The following PLEKHA7 variants were observed in gnomAD, a reference collection of about 807,000 sequenced individuals.
The protein encoded by PLEKHA7 is pleckstrin homology domain containing A7.
In PLEKHA7, 104 loss-of-function variants were observed where a neutral mutation model predicts 170.0. That is an observed-to-expected ratio of 0.61 (90% CI 0.52 to 0.72). PLEKHA7 has a LOEUF of 0.72. PLEKHA7 is among the 30% of genes least tolerant of loss of function. The pLI, the probability that PLEKHA7 is intolerant of heterozygous loss-of-function variation, is 0.00. For missense variants in PLEKHA7, 1,615 were observed against 1,671.7 expected (o/e 0.97, Z 0.59); for synonymous variants, 648 against 660.8 (o/e 0.98, Z 0.30).
At chr11:16,786,560 ACTG>A in intron 23 of PLEKHA7, 173 bp from the exon 24 acceptor site, 2 of 985,436 alleles carry the variant, frequency 2.0e-6, no homozygotes, top group Non-Finnish European at 2.4e-6. Flanking sequence ...GCTGTTCCAG[ACTG>A]CTAAGTGCTC....
In PLEKHA7 at chr11:16,791,946, G is replaced by A. The variant is rs955255296; in HGVS notation, c.2746-747C>T. On this transcript the variant is annotated intron_variant, in intron 19 of 26. Transcript: ENST00000531066. The surrounding 1 kb of genome is among the most constrained non-coding windows in gnomAD (Gnocchi z 4.5). ...ATGAACACCCACTCGCAGGACTAAC[G>A]ACCATCATGCCTTCCACCTCCTAAA... Among the ~76,000 whole-genome samples, 5 of 152,206 alleles carry A rather than the reference G, an allele frequency of 3.3e-5. No individual in the cohort carries two copies. The highest frequency in any genetic ancestry group is 1.9e-4 in the East Asian group (1 of 5,180).
chr11:16,903,721 C>G (rs74714199), intron 3 of PLEKHA7, among the ~76,000 whole-genome samples: 2,384 of 152,244 alleles, frequency 0.016, 61 homozygotes, highest in African/African-American at 0.054. Context: ...ATTACAGAGT[C>G]CTCCAGGCAG....
At chr11:16,958,495 G>T (rs78189692) in intron 3 of PLEKHA7, among the ~76,000 whole-genome samples, 2,643 of 152,248 alleles carry the variant, frequency 0.017, 93 homozygotes, top group African/African-American at 0.061. Flanking sequence ...GACTGGCAGC[G>T]TAGACATGCA....
intron 10 of PLEKHA7, among the ~76,000 whole-genome samples, chr11:16,820,801 C>T (rs1225203265): frequency 1.3e-5 from 2 of 152,200 alleles, no homozygotes; most frequent in African/African-American, 4.8e-5. Context: ...TAAGCTCATC[C>T]TCTAACCTGT....
chr11:16,811,103 T>C (rs1849341648), intron 13 of PLEKHA7, among the ~76,000 whole-genome samples: 1 of 152,166 alleles, frequency 6.6e-6, no homozygotes, highest in Non-Finnish European at 1.5e-5. Context: ...TTTCTCCCTC[T>C]TTAATCCCGC....
chr11:16,949,187 C>A (rs953845889), intron 3 of PLEKHA7, among the ~76,000 whole-genome samples: 1 of 152,096 alleles, frequency 6.6e-6, no homozygotes, highest in Non-Finnish European at 1.5e-5. Context: ...GTAACCCCCC[C>A]ATCTGCCTCC....
chr11:16,813,075 G>A, intron 13 of PLEKHA7, 38 bp downstream of exon 13: 1 of 1,588,928 alleles, frequency 6.3e-7, no homozygotes, highest in Non-Finnish European at 8.6e-7. Context: ...TCAGAAAGGT[G>A]AGTATGCAAG....
intron 3 of PLEKHA7, among the ~76,000 whole-genome samples, chr11:16,939,507 T>A (rs1339871731): frequency 6.6e-6 from 1 of 152,124 alleles, no homozygotes; most frequent in Non-Finnish European, 1.5e-5. Context: ...TAATAGGAAA[T>A]TTTAAAAATT....
At chr11:16,982,467 C>G (rs771374569) in intron 3 of PLEKHA7, among the ~76,000 whole-genome samples, 2 of 152,242 alleles carry the variant, frequency 1.3e-5, no homozygotes, top group African/African-American at 4.8e-5. Context: ...TCCAGGGTGA[C>G]TAGCACATTC....
chr11:16,834,091 A>G (rs1361536665), intron 9 of PLEKHA7, among the ~76,000 whole-genome samples: 11 of 151,602 alleles, frequency 7.3e-5, no homozygotes, highest in Non-Finnish European at 1.6e-4. Flanking sequence ...ACTCACTACA[A>G]CCTCCTCCTC....
intron 12 of PLEKHA7, 147 bp from the exon 13 acceptor site, chr11:16,813,313 C>A: frequency 3.5e-6 from 2 of 572,576 alleles, no homozygotes; most frequent in Admixed American, 2.6e-5. Context: ...ACAGAGGAAG[C>A]ACAAATGTCT....
chr11:16,985,409 C>A (rs1024904200), intron 3 of PLEKHA7, among the ~76,000 whole-genome samples: 12 of 152,172 alleles, frequency 7.9e-5, no homozygotes, highest in African/African-American at 7.2e-5. Flanking sequence ...CTAGAATGGA[C>A]CCTGCCTTGA....
At chr11:16,924,379 G>A (rs74580997) in intron 3 of PLEKHA7, among the ~76,000 whole-genome samples, 5 of 152,166 alleles carry the variant, frequency 3.3e-5, no homozygotes, top group African/African-American at 1.2e-4. Flanking sequence ...GGCGGAGCAC[G>A]CAAGGAGGTT....
Position 16,974,607 on chromosome 11 carries a change from C to A in PLEKHA7, c.221+39382G>T. The A allele has an allele frequency of 6.3e-6, 3 of 472,946 alleles. 1 individual carries two copies. Among genetic ancestry groups the A allele is most frequent in the Non-Finnish European group, 6.3e-6 (2 of 316,182 alleles). The allele number at this position is 472,946 out of a possible 1,614,324, so 29.3% of individuals were successfully genotyped here. On this transcript the variant is annotated intron_variant, in intron 3 of 26. Coordinates refer to ENST00000531066, the MANE Select transcript of PLEKHA7 (RefSeq NM_001329630.2). Reference sequence around the variant, plus strand: ...GTAATACTATTAACTAAACTACAGACCTCACAGAGATTTCACAGGTTTTTT... The same window carrying A: ...GTAATACTATTAACTAAACTACAGAACTCACAGAGATTTCACAGGTTTTTT...
intron 3 of PLEKHA7, among the ~76,000 whole-genome samples, chr11:16,918,015 C>T (rs1027327594): frequency 1.3e-5 from 2 of 152,190 alleles, no homozygotes; most frequent in African/African-American, 2.4e-5. Flanking sequence ...CTTCAGCTAA[C>T]GTGGAAGCAG....
chr11:16,974,254 G>A (rs1181796855), intron 3 of PLEKHA7, among the ~76,000 whole-genome samples: 1 of 147,262 alleles, frequency 6.8e-6, no homozygotes, highest in Non-Finnish European at 1.5e-5. Context: ...GTGACAAAGG[G>A]AGACCCTGTC....
At chr11:16,836,982 C>T (rs1851565767) in intron 9 of PLEKHA7, among the ~76,000 whole-genome samples, 2 of 152,024 alleles carry the variant, frequency 1.3e-5, no homozygotes, top group African/African-American at 4.8e-5. Context: ...CGCCACCAAG[C>T]CCAGCTAATT....
chr11:16,925,714 T>A (rs919391717), intron 3 of PLEKHA7, among the ~76,000 whole-genome samples: 1 of 152,110 alleles, frequency 6.6e-6, no homozygotes, highest in African/African-American at 2.4e-5. Flanking sequence ...CTCCTCCTCC[T>A]CGCCGGGGCC....
chr11:17,014,408 C>G lies in PLEKHA7; in HGVS notation c.-7G>C. The G allele has an allele frequency of 7.7e-6, 10 of 1,304,546 alleles. No homozygotes were observed. The highest frequency in any genetic ancestry group is 8.9e-6 in the Non-Finnish European group (9 of 1,013,662). 80.8% of individuals were successfully genotyped at this position (1,304,546 alleles called of 1,614,324 possible). A position where few individuals can be genotyped will look rare whatever the true frequency, so the allele number is the denominator to read the frequency against. ...CGACCGTCGCCGCCGCCATGTTCGC[C>G]GAGCGCGGAGCCGCCGCGGGGTGGG... On this transcript the variant is annotated 5_prime_UTR_variant, in exon 1 of 27. Transcript: ENST00000531066.
Sources: allele counts gnomAD v4.1 joint callset (sites outside exome capture counted in the v4.1 genomes callset), GRCh38; gene constraint gnomAD v4.1.1; non-coding constraint Gnocchi (gnomAD v3.1); transcripts MANE v1.5; gene names NCBI Gene and HGNC (gene_info 2026-07-23, HGNC 2026-07-21).